Variants in TAFA2 observed in about 807,000 individuals in gnomAD.
TAFA2 encodes chemokine-like protein TAFA-2.
In TAFA2, 7 loss-of-function variants were observed where a neutral mutation model predicts 18.8. The observed-to-expected ratio is 0.37, with a 90% CI of 0.21 to 0.70. The LOEUF (loss-of-function observed/expected upper bound fraction) is 0.70. Among genes scored for constraint, TAFA2 ranks in the 30% least tolerant of loss-of-function variants. The probability of loss-of-function intolerance (pLI) is 0.53; values close to 1 mark genes in which losing one functional copy is unlikely to be tolerated. For missense variants in TAFA2, 122 were observed against 158.1 expected (o/e 0.77, Z 1.23); for synonymous variants, 60 against 54.2 (o/e 1.11, Z -0.47).
At chr12:62,180,082 A>C (rs2062541946) in intron 1 of TAFA2, among the ~76,000 whole-genome samples, 2 of 152,356 alleles carry the variant, frequency 1.3e-5, no homozygotes, top group South Asian at 4.1e-4. Context: ...TTTTCCTAGT[A>C]GTGTAACATG....
At chr12:62,143,367 G>T (rs141983316) in intron 1 of TAFA2, among the ~76,000 whole-genome samples, 1 of 152,302 alleles carries the variant, frequency 6.6e-6, no homozygotes, top group East Asian at 1.9e-4. Context: ...TATCATTAAG[G>T]CCATGCCTGA....
intron 1 of TAFA2, among the ~76,000 whole-genome samples, chr12:62,197,929 G>A (rs2062655448): frequency 6.6e-6 from 1 of 152,170 alleles, no homozygotes; most frequent in Non-Finnish European, 1.5e-5. Flanking sequence ...AGAAGGCTTT[G>A]AGTGAACCTA....
intron 1 of TAFA2, among the ~76,000 whole-genome samples, chr12:61,900,123 A>G (rs1021925648): frequency 1.3e-5 from 2 of 152,244 alleles, no homozygotes; most frequent in African/African-American, 4.8e-5. Context: ...GATATTTGGC[A>G]TATTTCCAGG....
intron 2 of TAFA2, among the ~76,000 whole-genome samples, chr12:61,756,370 G>A (rs1869268614): frequency 6.6e-6 from 1 of 152,076 alleles, no homozygotes; most frequent in South Asian, 2.1e-4. Context: ...ATAAGAGGCA[G>A]ACTTCTGTCC....
At chr12:61,799,744 C>T (rs538399136) in intron 2 of TAFA2, among the ~76,000 whole-genome samples, 12 of 152,264 alleles carry the variant, frequency 7.9e-5, no homozygotes, top group Admixed American at 7.8e-4. Context: ...ATGGCATGAA[C>T]CCGGGAGGCG....
At chr12:62,215,595 G>T (rs1023828208) in intron 1 of TAFA2, among the ~76,000 whole-genome samples, 1 of 130,974 alleles carries the variant, frequency 7.6e-6, no homozygotes, top group East Asian at 2.4e-4. Context: ...GGAAGAACTT[G>T]TTTCTCTTGC....
intron 1 of TAFA2, among the ~76,000 whole-genome samples, chr12:62,035,274 G>T (rs1881568149): frequency 1.3e-5 from 2 of 152,146 alleles, no homozygotes; most frequent in East Asian, 3.8e-4. Context: ...ACAGTGAATA[G>T]GACCTGCCCT....
intron 4 of TAFA2, among the ~76,000 whole-genome samples, chr12:61,748,672 C>T (rs1418049367): frequency 2.0e-5 from 3 of 152,070 alleles, no homozygotes; most frequent in Non-Finnish European, 2.9e-5. Context: ...AGGCTTTAAT[C>T]AGCAAAGCAT....
chr12:61,771,813 C>G (rs570889358), intron 2 of TAFA2, among the ~76,000 whole-genome samples: 61 of 150,210 alleles, frequency 4.1e-4, no homozygotes, highest in African/African-American at 1.4e-3. Context: ...AAGGTCACAC[C>G]TCAAGGAACT....
chr12:62,187,778 T>C (rs2062596155), intron 1 of TAFA2, among the ~76,000 whole-genome samples: 1 of 152,158 alleles, frequency 6.6e-6, no homozygotes, highest in Non-Finnish European at 1.5e-5. Flanking sequence ...TATGTCTCTG[T>C]TTGCTGGGCT....
intron 1 of TAFA2, chr12:62,258,535 T>A (rs1279918347): frequency 6.5e-6 from 1 of 154,824 alleles, no homozygotes; most frequent in Non-Finnish European, 1.4e-5. Context: ...ACACCTTTTT[T>A]CAATAGCTTT....
At chr12:61,756,049 C>A (rs953751180) in intron 2 of TAFA2, among the ~76,000 whole-genome samples, 20 of 151,780 alleles carry the variant, frequency 1.3e-4, no homozygotes, top group Admixed American at 1.2e-3. Flanking sequence ...CATAAGGAGA[C>A]CCATTGCAAA....
intron 1 of TAFA2, among the ~76,000 whole-genome samples, chr12:62,182,531 A>C (rs922228841): frequency 6.6e-6 from 1 of 152,230 alleles, no homozygotes; most frequent in African/African-American, 2.4e-5. Flanking sequence ...GGAGCTTGTT[A>C]AAAAGGCAGA....
rs928190442 is a variant in TAFA2 at position 61,768,541 on chromosome 12, A to G, written c.107-13517T>C. On this transcript the variant is annotated intron_variant, in intron 2 of 4. Transcript: ENST00000416284. ...GTGTGAGGGGGAAGGTCCACCTCCA[A>G]ACAAACATCCTCACTGGTGAATCTG... Among the ~76,000 whole-genome samples, 58 of 152,128 alleles carry G rather than the reference A, an allele frequency of 3.8e-4. 1 individual carries two copies. The highest frequency in any genetic ancestry group is 1.5e-5 in the Non-Finnish European group (1 of 68,006).
At chr12:62,248,582 T>C (rs2062897690) in intron 1 of TAFA2, among the ~76,000 whole-genome samples, 1 of 152,150 alleles carries the variant, frequency 6.6e-6, no homozygotes, top group Admixed American at 6.5e-5. Flanking sequence ...CATTTTTAAG[T>C]GTACAGTAAA....
At chr12:61,918,012 TA>T (rs776659306) in intron 1 of TAFA2, among the ~76,000 whole-genome samples, 320 of 152,056 alleles carry the variant, frequency 2.1e-3, no homozygotes, top group African/African-American at 5.7e-3. Flanking sequence ...CATGCTTATT[TA>T]TTTTTTTTTT....
intron 1 of TAFA2, among the ~76,000 whole-genome samples, chr12:62,255,780 A>C (rs2062935458): frequency 6.6e-6 from 1 of 152,018 alleles, no homozygotes. Flanking sequence ...CTTGAACTTG[A>C]GAGGCGAAGG....
chr12:61,769,810 G>A (rs1418667668), intron 2 of TAFA2, among the ~76,000 whole-genome samples: 1 of 152,022 alleles, frequency 6.6e-6, no homozygotes, highest in Admixed American at 6.6e-5. Context: ...AAACAGTTCT[G>A]AAAATATGAC....
chr12:62,132,045 A>G (rs1870707724), intron 1 of TAFA2, among the ~76,000 whole-genome samples: 1 of 151,380 alleles, frequency 6.6e-6, no homozygotes, highest in African/African-American at 2.4e-5. Context: ...AACAAGTGAG[A>G]GATGCCTACA....
Sources: allele counts gnomAD v4.1 joint callset (sites outside exome capture counted in the v4.1 genomes callset), GRCh38; gene constraint gnomAD v4.1.1; transcripts MANE v1.5; gene names NCBI Gene and HGNC (gene_info 2026-07-23, HGNC 2026-07-21).